The following MACROD2 variants were observed in gnomAD, a reference collection of about 807,000 sequenced individuals.
MACROD2 encodes the protein ADP-ribose glycohydrolase MACROD2.
Under a neutral mutation model 70.4 loss-of-function variants are expected in MACROD2, and 36 were observed. The ratio of observed to expected loss-of-function variants is 0.51; its 90% CI spans 0.39 to 0.68. MACROD2 has a LOEUF of 0.68. Ranked by LOEUF, MACROD2 falls within the 30% of genes least tolerant of loss-of-function variation. The pLI, the probability that MACROD2 is intolerant of heterozygous loss-of-function variation, is 0.00. For synonymous variants in MACROD2, 172 were observed against 178.8 expected (o/e 0.96, Z 0.30); for missense variants, 496 against 538.4 (o/e 0.92, Z 0.78).
chr20:15,725,600 G>T (rs2050849994), intron 8 of MACROD2, among the ~76,000 whole-genome samples: 2 of 152,128 alleles, frequency 1.3e-5, no homozygotes, highest in Middle Eastern at 3.4e-3. Context: ...TCATTAGTCA[G>T]TGCTTCCAAG....
chr20:15,325,137 A>G (rs1446590867), intron 6 of MACROD2, among the ~76,000 whole-genome samples: 2 of 152,118 alleles, frequency 1.3e-5, no homozygotes, highest in Non-Finnish European at 2.9e-5. Context: ...TAAAGATGTA[A>G]AAGTATGATA....
intron 13 of MACROD2, among the ~76,000 whole-genome samples, chr20:15,984,796 C>T (rs1372355735): frequency 6.6e-6 from 1 of 152,144 alleles, no homozygotes; most frequent in Non-Finnish European, 1.5e-5. Flanking sequence ...TTCAATTATC[C>T]TTTGCTATTA....
At chr20:14,216,982 A>G (rs2081628453) in intron 3 of MACROD2, among the ~76,000 whole-genome samples, 1 of 152,142 alleles carries the variant, frequency 6.6e-6, no homozygotes, top group Non-Finnish European at 1.5e-5. Flanking sequence ...CTATTTACCA[A>G]TTTGGATGCC....
At chr20:14,046,210 C>G (rs1460323941) in intron 2 of MACROD2, among the ~76,000 whole-genome samples, 1 of 152,134 alleles carries the variant, frequency 6.6e-6, no homozygotes, top group Non-Finnish European at 1.5e-5. Context: ...AGATTATCTA[C>G]AAAGCTATAG....
chr20:14,667,202 C>A (rs2070745128), intron 4 of MACROD2, among the ~76,000 whole-genome samples: 1 of 151,934 alleles, frequency 6.6e-6, no homozygotes, highest in African/African-American at 2.4e-5. Flanking sequence ...TCATTCATTC[C>A]CTGAGGTTGA....
chr20:15,668,034 T>A (rs1204854450), intron 8 of MACROD2, among the ~76,000 whole-genome samples: 3 of 150,774 alleles, frequency 2.0e-5, no homozygotes, highest in Non-Finnish European at 3.0e-5. Context: ...CTGAGGTGGG[T>A]AGGTCACCTG....
chr20:16,011,531 A>C (rs946436694), intron 15 of MACROD2, among the ~76,000 whole-genome samples: 12 of 152,154 alleles, frequency 7.9e-5, no homozygotes, highest in Admixed American at 6.5e-5. Context: ...TATTTGGGGG[A>C]ATGCAAGGAG....
rs1046991213 is a variant in MACROD2, at chr20:14,904,116, T to G, written c.418+219157T>G. ...ACCATGTCTACATCTACCAAAGACT[T>G]TAAACATACTGGGATCTTAGTAGGC... On this transcript the variant is annotated intron_variant, in intron 5 of 17. Transcript: ENST00000684519. 3.3e-5 allele frequency among the ~76,000 whole-genome samples: 5 copies of G among 152,120 alleles called. No homozygotes were observed. The South Asian group carries it at 6.2e-4, about 19-fold the overall frequency.
intron 5 of MACROD2, among the ~76,000 whole-genome samples, chr20:14,760,258 C>G (rs2071997598): frequency 6.6e-6 from 1 of 151,982 alleles, no homozygotes; most frequent in African/African-American, 2.4e-5. Context: ...ATGGCAAGTT[C>G]TTTATTTCCA....
intron 8 of MACROD2, among the ~76,000 whole-genome samples, chr20:15,674,585 T>G (rs1431196649): frequency 1.3e-5 from 2 of 152,122 alleles, no homozygotes; most frequent in Admixed American, 1.3e-4. Context: ...CCATAATCAT[T>G]AACACCTTGA....
chr20:14,569,808 C>A (rs55935507), intron 4 of MACROD2, among the ~76,000 whole-genome samples: 4 of 151,430 alleles, frequency 2.6e-5, no homozygotes, highest in African/African-American at 4.9e-5. Flanking sequence ...GAATTTGGAT[C>A]CTAAGGGAAA....
At chr20:15,321,821 C>T (rs1030030179) in intron 6 of MACROD2, among the ~76,000 whole-genome samples, 1 of 144,052 alleles carries the variant, frequency 6.9e-6, no homozygotes, top group Non-Finnish European at 1.6e-5. Context: ...GAGACAGAGT[C>T]TCACTCTGTT....
chr20:14,486,150 C>A (rs1184862264), intron 3 of MACROD2, among the ~76,000 whole-genome samples: 1 of 152,080 alleles, frequency 6.6e-6, no homozygotes, highest in East Asian at 1.9e-4. Flanking sequence ...CCAGGGGCCA[C>A]CAACAGCACA....
In MACROD2 at chr20:14,771,779, A is replaced by ATATATGTATGTGTATATATATATG. The variant is rs1446856656; in HGVS notation, c.418+86834_418+86857dup. On this transcript the variant is annotated intron_variant, in intron 5 of 17. Coordinates refer to ENST00000684519, the MANE Select transcript of MACROD2 (RefSeq NM_001351661.2). ...ACACACACACATACACATATGGTGT[A>ATATATGTATGTGTATATATATATG]TATATGTATGTGTATATATATATGT... 2.0e-5 allele frequency among the ~76,000 whole-genome samples: 3 copies of ATATATGTATGTGTATATATATATG among 151,516 alleles called. No individual in the cohort carries two copies. The East Asian group carries it at 5.8e-4, about 29-fold the overall frequency.
At chr20:15,212,223 A>G (rs2076770303) in intron 5 of MACROD2, among the ~76,000 whole-genome samples, 1 of 152,162 alleles carries the variant, frequency 6.6e-6, no homozygotes, top group African/African-American at 2.4e-5. Context: ...TTACATGCTT[A>G]GCTTTTTTCC....
At chr20:15,309,133 C>T (rs1048555314) in intron 6 of MACROD2, among the ~76,000 whole-genome samples, 2 of 152,124 alleles carry the variant, frequency 1.3e-5, no homozygotes, top group Admixed American at 6.6e-5. Context: ...AACTTGTGTG[C>T]ATTGGAAGCC....
chr20:15,457,829 G>A (rs1348347685), intron 7 of MACROD2, among the ~76,000 whole-genome samples: 3 of 151,750 alleles, frequency 2.0e-5, no homozygotes, highest in African/African-American at 7.3e-5. Flanking sequence ...CTTAGACTGG[G>A]ACTTGCATCT....
intron 5 of MACROD2, among the ~76,000 whole-genome samples, chr20:15,098,204 C>T (rs1210744600): frequency 6.6e-6 from 1 of 152,090 alleles, no homozygotes; most frequent in Non-Finnish European, 1.5e-5. Flanking sequence ...ATGCTCTGCT[C>T]CTACCATTCT....
At chr20:15,575,438 T>G (rs2048433418) in intron 8 of MACROD2, among the ~76,000 whole-genome samples, 1 of 152,120 alleles carries the variant, frequency 6.6e-6, no homozygotes, top group Non-Finnish European at 1.5e-5. Flanking sequence ...ATGAATACCA[T>G]GGATGAATGA....
Sources: gnomAD v4.1 joint callset for allele counts (sites outside exome capture counted in the v4.1 genomes callset) on GRCh38, gnomAD v4.1.1 for gene constraint, MANE v1.5 for transcripts, NCBI Gene and HGNC (gene_info 2026-07-23, HGNC 2026-07-21) for gene names.